ADGRL3: variants seen among roughly 807,000 people sequenced by gnomAD.
ADGRL3 encodes adhesion G protein-coupled receptor L3, also known as calcium-independent alpha-latrotoxin receptor 3.
Under a neutral mutation model 153.5 loss-of-function variants are expected in ADGRL3, and 62 were observed. The observed-to-expected ratio is 0.40, with a 90% confidence interval of 0.33 to 0.50. ADGRL3 has a LOEUF of 0.50. Among genes scored for constraint, ADGRL3 ranks in the 20% least tolerant of loss-of-function variants. The probability of loss-of-function intolerance (pLI) is 0.47; values close to 1 mark genes in which losing one functional copy is unlikely to be tolerated. For synonymous variants in ADGRL3, 710 were observed against 672.5 expected (o/e 1.06, Z -0.86); for missense variants, 1,641 against 1,859.4 (o/e 0.88, Z 2.16).
chr4:61,732,702 C>A, intron 7 of ADGRL3, 52 bp from the exon 8 acceptor site: 2 of 1,062,452 alleles, frequency 1.9e-6, no homozygotes, highest in Non-Finnish European at 2.5e-6. Flanking sequence ...GACTATATAA[C>A]AAAATATGAA....
intron 13 of ADGRL3, among the ~76,000 whole-genome samples, chr4:61,919,515 T>C (rs1437274949): frequency 6.6e-6 from 1 of 152,248 alleles, no homozygotes; most frequent in Admixed American, 6.5e-5. Flanking sequence ...AAAACCAGAG[T>C]ACTGTAGTTT....
At chr4:61,338,102 T>C (rs975989754) in intron 1 of ADGRL3, among the ~76,000 whole-genome samples, 6 of 151,486 alleles carry the variant, frequency 4.0e-5, no homozygotes, top group Non-Finnish European at 8.8e-5. Flanking sequence ...CCATCTCTAC[T>C]AAAAATAATA....
In ADGRL3 at chr4:61,456,745, G is replaced by A. The variant is rs335350; in HGVS notation, c.-173-40376G>A. On this transcript the variant is annotated intron_variant, in intron 2 of 26. Transcript: ENST00000683033. ...TGTTTTGAGGTGGGTCTTGAAATAT[G>A]CGTAAGAAGTCATAATGAGAAAATG... is the stretch of plus-strand genomic sequence containing the variant. 3.6e-3 allele frequency among the ~76,000 whole-genome samples: 545 copies of A among 151,642 alleles called. 4 individuals carry two copies. Among genetic ancestry groups the A allele is most frequent in the African/African-American group, 0.012 (495 of 41,408 alleles).
At chr4:61,721,827 G>A (rs1267387436) in intron 6 of ADGRL3, among the ~76,000 whole-genome samples, 1 of 152,108 alleles carries the variant, frequency 6.6e-6, no homozygotes, top group Non-Finnish European at 1.5e-5. Context: ...AGGTAAATCA[G>A]AAGCTTCATG....
At chr4:61,500,785 A>G (rs1349453025) in intron 3 of ADGRL3, among the ~76,000 whole-genome samples, 2 of 152,142 alleles carry the variant, frequency 1.3e-5, no homozygotes, top group African/African-American at 2.4e-5. Context: ...GCATGGGTTT[A>G]TTTTTCATTA....
intron 2 of ADGRL3, among the ~76,000 whole-genome samples, chr4:61,443,243 C>A (rs1427601999): frequency 1.3e-5 from 2 of 152,072 alleles, no homozygotes; most frequent in African/African-American, 2.4e-5. Context: ...TAGCTATGTT[C>A]TTTGCAAATA....
At chr4:61,838,649 A>G (rs1437532597) in intron 9 of ADGRL3, among the ~76,000 whole-genome samples, 2 of 152,114 alleles carry the variant, frequency 1.3e-5, no homozygotes, top group Non-Finnish European at 2.9e-5. Context: ...AGAATAACCA[A>G]CTCTATTATA....
At chr4:61,349,860 G>A (rs1353221045) in intron 1 of ADGRL3, among the ~76,000 whole-genome samples, 6 of 152,024 alleles carry the variant, frequency 3.9e-5, no homozygotes, top group Non-Finnish European at 8.8e-5. Context: ...ATCAATAGAT[G>A]AATGAATGAC....
rs554279578 is a variant in ADGRL3, at chr4:62,072,897, T to G, written c.*1989T>G. On this transcript the variant is annotated 3_prime_UTR_variant, in exon 27 of 27. Transcript: ENST00000683033. ...TAAAAGCTGCAAAGAGAATATTCAT[T>G]TTATAAAGATATAATAAGACTTTTA... 1 of 152,272 alleles carries G rather than the reference T, an allele frequency of 6.6e-6. No individual in the cohort carries two copies. Among genetic ancestry groups the G allele is most frequent in the African/African-American group, 2.4e-5 (1 of 41,578 alleles). The allele number at this position is 152,272 out of a possible 1,614,324, so 9.4% of individuals were successfully genotyped here. A position where few individuals can be genotyped will look rare whatever the true frequency, so the allele number is the denominator to read the frequency against.
intron 1 of ADGRL3, among the ~76,000 whole-genome samples, chr4:61,322,840 A>G (rs929002795): frequency 2.0e-5 from 3 of 152,004 alleles, no homozygotes; most frequent in Non-Finnish European, 4.4e-5. Flanking sequence ...ACCATTCTGG[A>G]GTCTGGAGGA....
chr4:61,408,539 G>C (rs919708071), intron 2 of ADGRL3, among the ~76,000 whole-genome samples: 1 of 151,536 alleles, frequency 6.6e-6, no homozygotes, highest in Non-Finnish European at 1.5e-5. Context: ...GTATTTTCCA[G>C]TTCTTATTGG....
chr4:61,747,487 C>A (rs1460260437), intron 8 of ADGRL3, among the ~76,000 whole-genome samples: 1 of 148,396 alleles, frequency 6.7e-6, no homozygotes, highest in Non-Finnish European at 1.5e-5. Flanking sequence ...AATCCAGCGG[C>A]ACATCAAAAA....
chr4:61,845,224 ATC>A (rs900742355), intron 9 of ADGRL3, among the ~76,000 whole-genome samples: 1 of 152,078 alleles, frequency 6.6e-6, no homozygotes, highest in Middle Eastern at 3.2e-3. Flanking sequence ...TTTGGGGACA[ATC>A]TCTTATATTG....
At chr4:62,060,448 C>A (rs1739450895) in intron 25 of ADGRL3, among the ~76,000 whole-genome samples, 1 of 151,556 alleles carries the variant, frequency 6.6e-6, no homozygotes, top group Non-Finnish European at 1.5e-5. Context: ...AGAATTTGGG[C>A]AATTATGTTT....
chr4:61,830,498 T>C (rs2097856818), intron 9 of ADGRL3, among the ~76,000 whole-genome samples: 1 of 152,186 alleles, frequency 6.6e-6, no homozygotes, highest in Non-Finnish European at 1.5e-5. Context: ...ATATTCAAGA[T>C]CATTATTAGA....
In ADGRL3 at chr4:61,777,131, G is replaced by A. The variant is rs1042452949; in HGVS notation, c.1400-36678G>A. On this transcript the variant is annotated intron_variant, in intron 8 of 26. Transcript: ENST00000683033. Reference sequence around the variant, plus strand: ...GGGTGGATCATGAGGTGAGGAGATCGAGACCATCCTGGCTAACACGGTGAA... The same window carrying A: ...GGGTGGATCATGAGGTGAGGAGATCAAGACCATCCTGGCTAACACGGTGAA... Among the ~76,000 whole-genome samples the A allele has an allele frequency of 1.2e-4, 18 of 152,030 alleles. 1 individual carries two copies. Among genetic ancestry groups the A allele is most frequent in the African/African-American group, 3.9e-4 (16 of 41,398 alleles).
chr4:61,502,272 G>A (rs2098394666), intron 3 of ADGRL3, among the ~76,000 whole-genome samples: 1 of 152,116 alleles, frequency 6.6e-6, no homozygotes, highest in African/African-American at 2.4e-5. Flanking sequence ...ATGATTGGGA[G>A]TTCAGAAGGT....
chr4:61,306,376 G>T (rs1376907282), intron 1 of ADGRL3, among the ~76,000 whole-genome samples: 1 of 152,076 alleles, frequency 6.6e-6, no homozygotes, highest in Non-Finnish European at 1.5e-5. Flanking sequence ...GGGATTACAG[G>T]CGTGAGTCAC....
At chr4:62,038,613 G>A (rs1180252851) in intron 24 of ADGRL3, among the ~76,000 whole-genome samples, 1 of 151,974 alleles carries the variant, frequency 6.6e-6, no homozygotes, top group Non-Finnish European at 1.5e-5. Flanking sequence ...TTATTTGTTT[G>A]TTTTTTGAGA....
Sources: gnomAD v4.1 joint callset for allele counts (sites outside exome capture counted in the v4.1 genomes callset) on GRCh38, gnomAD v4.1.1 for gene constraint, MANE v1.5 for transcripts, NCBI Gene and HGNC (gene_info 2026-07-23, HGNC 2026-07-21) for gene names.